STEAP4: variants seen among roughly 807,000 people sequenced by gnomAD.
The protein encoded by STEAP4 is STEAP4 metalloreductase.
STEAP4 carries 36 observed loss-of-function variants against 43.6 expected under a neutral mutation model. That is an observed-to-expected ratio of 0.83 (90% CI 0.63 to 1.09). STEAP4 has a LOEUF of 1.09. Ranked by LOEUF, STEAP4 falls within the 50% of genes least tolerant of loss-of-function variation. The pLI is 0.00. For missense variants in STEAP4, 495 were observed against 546.5 expected, an observed-to-expected ratio of 0.91 and a Z score of 0.94; for synonymous variants, 191 against 196.7, an observed-to-expected ratio of 0.97 and a Z score of 0.24.
At position 88,282,978 on chromosome 7, in the gene STEAP4, A is replaced by G; in HGVS notation, c.647T>C (p.Phe216Ser). The G allele has an allele frequency of 1.2e-6, 2 of 1,613,532 alleles. No homozygotes were observed. Among genetic ancestry groups the G allele is most frequent in the Non-Finnish European group, 1.7e-6 (2 of 1,179,752 alleles). ...GATTACGTCTCTTATAACACAATAG[A>G]AAAACAAGAAGACACACAGCACAGC... ...LSAVLCVFLF[F>S]YCVIRDVIYP... Residue 216 changes from phenylalanine to serine, a missense_variant, in exon 3 of 5, where the codon TTC becomes TCC. Coordinates refer to ENST00000380079, the MANE Select transcript of STEAP4 (RefSeq NM_024636.4).
intron 1 of STEAP4, among the ~76,000 whole-genome samples, chr7:88,301,113 C>A (rs1853026270): frequency 6.6e-6 from 1 of 152,226 alleles, no homozygotes; most frequent in Non-Finnish European, 1.5e-5. Flanking sequence ...AGGATCTCAA[C>A]TATGAAAACC....
At chr7:88,295,866 G>A (rs1852915481) in intron 1 of STEAP4, among the ~76,000 whole-genome samples, 1 of 152,130 alleles carries the variant, frequency 6.6e-6, no homozygotes, top group African/African-American at 2.4e-5. Context: ...GGAAGAACAG[G>A]ATGTTAAGGT....
At chr7:88,290,102 T>C (rs1852811702) in intron 1 of STEAP4, among the ~76,000 whole-genome samples, 1 of 152,246 alleles carries the variant, frequency 6.6e-6, no homozygotes, top group East Asian at 1.9e-4. Context: ...CAGTTGCCAG[T>C]ATCCTGTAAT....
At chr7:88,298,688 C>G (rs978042528) in intron 1 of STEAP4, among the ~76,000 whole-genome samples, 2 of 152,144 alleles carry the variant, frequency 1.3e-5, no homozygotes, top group African/African-American at 4.8e-5. Context: ...CATGATAAAT[C>G]ATCAACTTGT....
chr7:88,293,330 G>A (rs1391972313), intron 1 of STEAP4, among the ~76,000 whole-genome samples: 1 of 151,994 alleles, frequency 6.6e-6, no homozygotes, highest in African/African-American at 2.4e-5. Flanking sequence ...TGTTGAGTTT[G>A]ACAATCTTTA....
At chr7:88,301,537 A>G (rs1853034058) in intron 1 of STEAP4, among the ~76,000 whole-genome samples, 1 of 151,978 alleles carries the variant, frequency 6.6e-6, no homozygotes, top group African/African-American at 2.4e-5. Context: ...TCAGCCTCCT[A>G]AAGTGCTGGG....
At chr7:88,301,602 C>A (rs1381276354) in intron 1 of STEAP4, among the ~76,000 whole-genome samples, 2 of 149,918 alleles carry the variant, frequency 1.3e-5, no homozygotes, top group African/African-American at 4.9e-5. Flanking sequence ...TTTTTCCAGA[C>A]AGCTGGAGTG....
chr7:88,273,480 A>G lies in STEAP4; in HGVS notation c.*5918T>C, dbSNP rs569165335. ...AGAAAAAAATCTCATTTTTACAGCT[A>G]TAGGTAATGGAACTAAGCCTGGTGT... is the stretch of plus-strand genomic sequence containing the variant. On this transcript the variant is annotated 3_prime_UTR_variant, in exon 5 of 5. Transcript: ENST00000380079. 1.3e-5 allele frequency: 2 copies of G among 151,924 alleles called. No homozygotes were observed. Among genetic ancestry groups the G allele is most frequent in the South Asian group, 2.1e-4 (1 of 4,800 alleles). The allele number at this position is 151,924 out of a possible 1,614,324, so 9.4% of individuals were successfully genotyped here.
At position 88,282,812 on chromosome 7, in the gene STEAP4, G is replaced by A. The variant is rs542143396; in HGVS notation, c.813C>T (p.Tyr271=). ...PGVIAAILQL[Y]RGTKYRRFPD... ...GGAATCGACGGTATTTTGTGCCTCG[G>A]TACAGTTGTAGAATGGCAGCAATAA... The change falls in exon 3 of 5, where the codon TAC becomes TAT. Residue 271 remains tyrosine, a synonymous_variant. Coordinates refer to ENST00000380079, the MANE Select transcript of STEAP4 (RefSeq NM_024636.4). 1 of 1,614,192 alleles carries A rather than the reference G, an allele frequency of 6.2e-7. No homozygotes were observed. The highest frequency in any genetic ancestry group is 2.2e-5 in the East Asian group (1 of 44,884).
At chr7:88,305,199 G>A (rs992210315) in intron 1 of STEAP4, among the ~76,000 whole-genome samples, 2 of 152,134 alleles carry the variant, frequency 1.3e-5, no homozygotes, top group Admixed American at 6.5e-5. Flanking sequence ...AACTGTAAAC[G>A]TTACCAAATA....
At chr7:88,293,482 AT>A (rs1378653456) in intron 1 of STEAP4, among the ~76,000 whole-genome samples, 3 of 151,780 alleles carry the variant, frequency 2.0e-5, no homozygotes, top group Admixed American at 6.6e-5. Context: ...AATTTATTTA[AT>A]TTTTTTTCTT....
At chr7:88,282,585 T>C (rs1563496802) in intron 3 of STEAP4, 56 bp downstream of exon 3, 2 of 1,449,984 alleles carry the variant, frequency 1.4e-6, no homozygotes, top group East Asian at 2.3e-5. Context: ...TGGAATATGA[T>C]GTAGCAATAG....
At chr7:88,296,551 A>G (rs985872684) in intron 1 of STEAP4, among the ~76,000 whole-genome samples, 2 of 152,158 alleles carry the variant, frequency 1.3e-5, no homozygotes, top group African/African-American at 4.8e-5. Context: ...TGACTTGATA[A>G]CATATTTGTA....
rs973056631 is a variant in STEAP4, at chr7:88,303,198, A to C, written c.-3+3594T>G. On this transcript the variant is annotated intron_variant, in intron 1 of 4. Transcript: ENST00000380079. ...ATAATCTGCATTAAAAAAAAAAAAA[A>C]AAAAAAAAAAACTCCAACCGGGCGC... Among the ~76,000 whole-genome samples the C allele has an allele frequency of 1.4e-4, 20 of 144,560 alleles. No homozygotes were observed. In the East Asian group the frequency reaches 1.8e-3, roughly 13 times the overall value. 94.8% of individuals were successfully genotyped at this position (144,560 alleles called of 152,430 possible).
intron 1 of STEAP4, among the ~76,000 whole-genome samples, chr7:88,295,060 A>G (rs1852903073): frequency 1.3e-5 from 2 of 152,168 alleles, no homozygotes; most frequent in South Asian, 4.1e-4. Context: ...GGAGGTAATC[A>G]TTATAAAAAC....
At chr7:88,281,623 T>C (rs1852621987) in intron 3 of STEAP4, 1 of 152,234 alleles carries the variant, frequency 6.6e-6, no homozygotes, top group Non-Finnish European at 1.5e-5. Context: ...GAGAAACCCA[T>C]AGAAGCATCA....
chr7:88,293,109 C>G (rs1434912413), intron 1 of STEAP4: 2 of 152,170 alleles, frequency 1.3e-5, no homozygotes, highest in Non-Finnish European at 2.9e-5. Flanking sequence ...CGAATGTGTA[C>G]TAATTTACCC....
intron 1 of STEAP4, among the ~76,000 whole-genome samples, chr7:88,295,775 C>T (rs1373921970): frequency 1.3e-5 from 2 of 152,132 alleles, no homozygotes; most frequent in Non-Finnish European, 1.5e-5. Context: ...TGGAGAACCA[C>T]TGGAGGTGGA....
intron 1 of STEAP4, among the ~76,000 whole-genome samples, chr7:88,297,635 A>C (rs1852944649): frequency 6.6e-6 from 1 of 152,182 alleles, no homozygotes; most frequent in Non-Finnish European, 1.5e-5. Context: ...TTGAGTGGGC[A>C]TCATGTATTT....
Sources: allele counts gnomAD v4.1 joint callset (sites outside exome capture counted in the v4.1 genomes callset), GRCh38; gene constraint gnomAD v4.1.1; transcripts MANE v1.5; gene names NCBI Gene and HGNC (gene_info 2026-07-23, HGNC 2026-07-21).